Variants in ADAMTS1 observed in about 807,000 individuals in gnomAD.
The protein encoded by ADAMTS1 is A disintegrin and metalloproteinase with thrombospondin motifs 1.
A neutral mutation model predicts 87.9 loss-of-function variants in ADAMTS1; 19 were observed. The ratio of observed to expected loss-of-function variants is 0.22; its 90% CI spans 0.15 to 0.32. The LOEUF is 0.32. Ranked by LOEUF, ADAMTS1 falls within the 10% of genes least tolerant of loss-of-function variation. The pLI, the probability that ADAMTS1 is intolerant of heterozygous loss-of-function variation, is 1.00. For missense variants in ADAMTS1, 1,240 were observed against 1,259.1 expected (o/e 0.98, Z 0.23); for synonymous variants, 542 against 501.8 (o/e 1.08, Z -1.07).
At position 26,839,954 on chromosome 21, in the gene ADAMTS1, T is replaced by A. The variant is rs1985456172; in HGVS notation, c.1773A>T (p.Pro591=). The A allele has an allele frequency of 3.1e-6, 5 of 1,613,980 alleles. No homozygotes were observed. Among genetic ancestry groups the A allele is most frequent in the Non-Finnish European group, 4.2e-6 (5 of 1,180,034 alleles). Residue 591 remains proline (P), a synonymous_variant, in exon 6 of 9, where the codon CCA becomes CCT. Transcript: ENST00000284984. ...YTMRECDNPV[P]KNGGKYCEGK... Reference sequence around the variant, plus strand: ...CTTCACAGTACTTCCCTCCATTCTTTGGGACTGGGTTGTCACATTCCCTCA... The same window carrying A: ...CTTCACAGTACTTCCCTCCATTCTTAGGGACTGGGTTGTCACATTCCCTCA...
Position 26,838,538 on chromosome 21 carries a change from T to C in ADAMTS1, c.2105A>G (p.Asp702Gly). 1.2e-6 allele frequency: 2 copies of C among 1,614,184 alleles called. No individual in the cohort carries two copies. Among genetic ancestry groups the C allele is most frequent in the Non-Finnish European group, 8.5e-7 (1 of 1,180,036 alleles). The change falls in exon 8 of 9, where the codon GAT becomes GGT. Residue 702 changes from aspartate (D) to glycine (G), a missense_variant. This residue lies in a region of ADAMTS1 where 402 missense variants were observed against 399.1 expected (regional missense o/e 1.01). Coordinates refer to ENST00000284984, the MANE Select transcript of ADAMTS1 (RefSeq NM_006988.5). ...CTTCTTTTTGGAGTCTATGATGCGA[T>C]CACAACCAGCTTTTACACACTGTCC... ...VQGQCVKAGCDRIIDSKKKFD... is the reference protein window; with the variant it reads ...VQGQCVKAGCGRIIDSKKKFD...
At chr21:26,841,785 C>T (rs1985498884) in intron 3 of ADAMTS1, 73 bp downstream of exon 3, 1 of 1,503,198 alleles carries the variant, frequency 6.7e-7, no homozygotes, top group Non-Finnish European at 9.0e-7. Context: ...AACCTACAGA[C>T]TCTCCTTCTT....
intron 1 of ADAMTS1, chr21:26,842,908 T>G: frequency 1.8e-6 from 1 of 559,240 alleles, no homozygotes; most frequent in South Asian, 2.2e-5. Flanking sequence ...ATGGTCAGGA[T>G]CTTTCTGTGT....
chr21:26,844,470 G>T lies in ADAMTS1; in HGVS notation c.485C>A (p.Pro162His). 6.3e-7 allele frequency: 1 copy of T among 1,585,660 alleles called. No individual in the cohort carries two copies. The highest frequency in any genetic ancestry group is 8.6e-7 in the Non-Finnish European group (1 of 1,165,846). ...LGEAYFIQPL[P>H]AASERLATAA... ...GGTGGCGAGGCGCTCGCTGGCGGCG[G>T]GCAGCGGCTGGATGAAATACGCCTC... Residue 162 changes from proline (P) to histidine (H), a missense_variant, in exon 1 of 9, where the codon CCC becomes CAC. Physicochemically the swap from Pro to His is moderately conservative, Grantham distance 77 (BLOSUM62 -2). Around this residue, in one of 3 missense-constraint regions of ADAMTS1, gnomAD observed 521 missense variants for 449.7 expected, o/e 1.16. Coordinates refer to ENST00000284984, the MANE Select transcript of ADAMTS1 (RefSeq NM_006988.5).
chr21:26,844,701 A>G lies in ADAMTS1; in HGVS notation c.254T>C (p.Leu85Pro). 6.3e-7 allele frequency: 1 copy of G among 1,592,756 alleles called. No homozygotes were observed. The highest frequency in any genetic ancestry group is 8.5e-7 in the Non-Finnish European group (1 of 1,170,136). ...RLRLHAFDQQLDLELRPDSSF... is the reference protein window; with the variant it reads ...RLRLHAFDQQPDLELRPDSSF... ...GCTGTCGGGCCGCAGCTCCAGATCC[A>G]GCTGCTGGTCAAAGGCGTGCAGGCG... The change falls in exon 1 of 9, where the codon CTG becomes CCG. Residue 85 changes from leucine to proline, a missense_variant. By Grantham distance (98) the Leu-to-Pro change is moderately conservative. This residue lies in a region of ADAMTS1 where 521 missense variants were observed against 449.7 expected (regional missense o/e 1.16). Coordinates refer to ENST00000284984, the MANE Select transcript of ADAMTS1 (RefSeq NM_006988.5).
rs745399309 is a variant in ADAMTS1 at position 26,844,629 on chromosome 21, G to A, written c.326C>T (p.Ser109Phe). 6.2e-7 allele frequency: 1 copy of A among 1,607,712 alleles called. No homozygotes were observed. The highest frequency in any genetic ancestry group is 2.2e-5 in the East Asian group (1 of 44,652). Residue 109 changes from serine to phenylalanine, a missense_variant, in exon 1 of 9, where the codon TCC (serine) becomes TTC (phenylalanine). Around this residue, in one of 3 missense-constraint regions of ADAMTS1, gnomAD observed 521 missense variants for 449.7 expected, o/e 1.16. Transcript: ENST00000284984. Reference sequence around the variant, plus strand: ...TTCCGGAAGCGGCGTCTCGGACCCGGATTTGCGCCCCACGTTCTGGAGCGT... The same window carrying A: ...TTCCGGAAGCGGCGTCTCGGACCCGAATTTGCGCCCCACGTTCTGGAGCGT... ...GFTLQNVGRK[S>F]GSETPLPETD...
chr21:26,841,300 G>A, intron 3 of ADAMTS1, 135 bp from the exon 4 acceptor site: 2 of 848,598 alleles, frequency 2.4e-6, no homozygotes, highest in Non-Finnish European at 3.6e-6. Context: ...CCAACATAGT[G>A]AAACCCCGTC....
At position 26,842,640 on chromosome 21, in the gene ADAMTS1, T is replaced by C. The variant is rs1310908121; in HGVS notation, c.776A>G (p.Tyr259Cys). 6.2e-7 allele frequency: 1 copy of C among 1,613,792 alleles called. No individual in the cohort carries two copies. Among genetic ancestry groups the C allele is most frequent in the East Asian group, 2.2e-5 (1 of 44,884 alleles). Residue 259 changes from tyrosine (Y) to cysteine (C), a missense_variant, in exon 2 of 9, where the codon TAT becomes TGT. Tyr to Cys is a radical substitution (Grantham distance 194, BLOSUM62 -2). Transcript: ENST00000284984. Reference protein sequence around the residue: ...RKKRFVSSHRYVETMLVADQS... With the variant: ...RKKRFVSSHRCVETMLVADQS... ...GTCTGCCACAAGCATGGTTTCCACA[T>C]AGCGGTGACTGGACACAAATCGCTT...
In ADAMTS1 at chr21:26,837,549, T is replaced by G. The variant is rs959121330; in HGVS notation, c.*30A>C. The G allele has an allele frequency of 8.1e-6, 13 of 1,600,034 alleles. No homozygotes were observed. In the African/African-American group the frequency reaches 1.7e-4, roughly 21 times the overall value. On this transcript the variant is annotated 3_prime_UTR_variant, in exon 9 of 9. Coordinates refer to ENST00000284984, the MANE Select transcript of ADAMTS1 (RefSeq NM_006988.5). ...GCACCAGCCCTTCCTCACTTTGCCT[T>G]GCCCTCAAAGCTAACACCACTTAAA...
In ADAMTS1 at chr21:26,838,031, T is replaced by C. The variant is rs1375472709; in HGVS notation, c.2452A>G (p.Lys818Glu). 14 of 1,614,200 alleles carry C rather than the reference T, an allele frequency of 8.7e-6. No individual in the cohort carries two copies. Among genetic ancestry groups the C allele is most frequent in the Non-Finnish European group, 1.2e-5 (14 of 1,180,030 alleles). ...AGAACCTGGATGGTCAAGGGCTCTT[T>C]GAGAGGGCTAAAGCTGCGAATTCTT... ...LERIRSFSPL[K>E]EPLTIQVLTV... The change falls in exon 9 of 9, where the codon AAA becomes GAA. Residue 818 changes from lysine (K) to glutamate (E), a missense_variant. Coordinates refer to ENST00000284984, the MANE Select transcript of ADAMTS1 (RefSeq NM_006988.5).
At chr21:26,839,270 G>C in intron 7 of ADAMTS1, 3 of 201,400 alleles carry the variant, frequency 1.5e-5, no homozygotes, top group Non-Finnish European at 3.0e-5. Flanking sequence ...AATATAAAAT[G>C]TATCTAACTA....
In ADAMTS1 at chr21:26,845,146, G is replaced by C; in HGVS notation, c.-192C>G. On this transcript the variant is annotated 5_prime_UTR_variant, in exon 1 of 9. Coordinates refer to ENST00000284984, the MANE Select transcript of ADAMTS1 (RefSeq NM_006988.5). The stretch of plus-strand genomic sequence containing the variant: ...CACTAAAAGGAGGCGCTGCAGTTCT[G>C]CCGGCGCGCGGGAAGTTTTTCTTCC... 2 of 730,362 alleles carry C rather than the reference G, an allele frequency of 2.7e-6. No individual in the cohort carries two copies. The highest frequency in any genetic ancestry group is 3.8e-6 in the Non-Finnish European group (2 of 525,514). 45.2% of individuals were successfully genotyped at this position (730,362 alleles called of 1,614,324 possible). A position where few individuals can be genotyped will look rare whatever the true frequency, so the allele number is the denominator to read the frequency against.
At chr21:26,840,952 G>C (rs202236531) in intron 4 of ADAMTS1, 46 bp downstream of exon 4, 1 of 1,574,076 alleles carries the variant, frequency 6.4e-7, no homozygotes, top group Non-Finnish European at 8.7e-7. Flanking sequence ...AACTTTATGC[G>C]TGAAAGGTTG....
Position 26,844,361 on chromosome 21 carries a change from G to A in ADAMTS1, c.594C>T (p.Cys198=). ...GCCGGGGCTCGTCGTCCACGACCCC[G>A]CACGTGCCGCCGACGTCGCCCTGCC... ...RNRQGDVGGT[C]GVVDDEPRPT... The change falls in exon 1 of 9, where the codon TGC becomes TGT. Residue 198 remains cysteine, a synonymous_variant. Transcript: ENST00000284984. The A allele has an allele frequency of 1.3e-6, 2 of 1,597,754 alleles. No individual in the cohort carries two copies. Among genetic ancestry groups the A allele is most frequent in the Non-Finnish European group, 1.7e-6 (2 of 1,174,940 alleles).
intron 3 of ADAMTS1, 122 bp downstream of exon 3, chr21:26,841,735 TA>T: frequency 8.9e-7 from 1 of 1,121,636 alleles, no homozygotes; most frequent in Non-Finnish European, 1.2e-6. Flanking sequence ...AAATATTTTC[TA>T]TAGTTTCTAA....
rs1985404344 is a variant in ADAMTS1, at chr21:26,837,887, A to G, written c.2596T>C (p.Cys866Arg). The G allele has an allele frequency of 6.2e-7, 1 of 1,614,056 alleles. No homozygotes were observed. Among genetic ancestry groups the G allele is most frequent in the Admixed American group, 1.7e-5 (1 of 59,998 alleles). The part of the protein sequence containing the change: ...SAWVIEEWGE[C>R]SKSCELGWQR... ...CAACCCAATTCACATGACTTAGAAC[A>G]TTCGCCCCACTCTTCAATGACCCAT... Residue 866 changes from cysteine (C) to arginine (R), a missense_variant, in exon 9 of 9, where the codon TGT (cysteine) becomes CGT (arginine). Physicochemically the swap from Cys to Arg is radical, Grantham distance 180 (BLOSUM62 -3). This residue lies in a region of ADAMTS1 where 402 missense variants were observed against 399.1 expected (regional missense o/e 1.01). Transcript: ENST00000284984.
In ADAMTS1 at chr21:26,838,036, G is replaced by C; in HGVS notation, c.2447C>G (p.Pro816Arg). 6.2e-7 allele frequency: 1 copy of C among 1,614,234 alleles called. No homozygotes were observed. Among genetic ancestry groups the C allele is most frequent in the Non-Finnish European group, 8.5e-7 (1 of 1,180,040 alleles). The change falls in exon 9 of 9, where the codon CCT becomes CGT. Residue 816 changes from proline (P) to arginine (R), a missense_variant. By Grantham distance (103) the Pro-to-Arg change is moderately radical (BLOSUM62 -2). Transcript: ENST00000284984. ...AALERIRSFS[P>R]LKEPLTIQVL... Reference sequence around the variant, plus strand: ...CTGGATGGTCAAGGGCTCTTTGAGAGGGCTAAAGCTGCGAATTCTTTCCAA... The same window carrying C: ...CTGGATGGTCAAGGGCTCTTTGAGACGGCTAAAGCTGCGAATTCTTTCCAA...
At chr21:26,838,372 T>G (rs1774465845) in intron 8 of ADAMTS1, 67 bp downstream of exon 8, 2 of 1,591,514 alleles carry the variant, frequency 1.3e-6, no homozygotes, top group African/African-American at 1.3e-5. Context: ...AGACATATTT[T>G]TTTCCCAGAC....
Position 26,844,589 on chromosome 21 carries a change from G to A in ADAMTS1, c.366C>T (p.His122=), listed in dbSNP as rs1195514843. The A allele has an allele frequency of 6.2e-7, 1 of 1,611,284 alleles. No homozygotes were observed. Among genetic ancestry groups the A allele is most frequent in the Non-Finnish European group, 8.5e-7 (1 of 1,178,994 alleles). Residue 122 remains histidine (H), a synonymous_variant, in exon 1 of 9, where the codon CAC becomes CAT. Transcript: ENST00000284984. ...ETPLPETDLA[H]CFYSGTVNGD... ...CATTCACGGTGCCGGAGTAGAAGCA[G>A]TGCGCCAGGTCGGTTTCCGGAAGCG...
Sources: gnomAD v4.1 joint callset for allele counts on GRCh38, gnomAD v4.1.1 for gene constraint, gnomAD v4.1.1 regional missense constraint, MANE v1.5 for transcripts, NCBI Gene and HGNC (gene_info 2026-07-23, HGNC 2026-07-21) for gene names.